MAP6: variants seen among roughly 807,000 people sequenced by gnomAD.
The protein encoded by MAP6 is microtubule associated protein 6, also known as microtubule-associated protein 6.
MAP6 carries 26 observed loss-of-function variants against 42.4 expected under a neutral mutation model. The observed-to-expected ratio is 0.61, with a 90% confidence interval of 0.45 to 0.85. The LOEUF (loss-of-function observed/expected upper bound fraction) is 0.85, where lower values mean the gene tolerates loss of function less well. Among genes scored for constraint, MAP6 ranks in the 40% least tolerant of loss-of-function variants. The pLI, the probability that MAP6 is intolerant of heterozygous loss-of-function variation, is 0.00. For synonymous variants in MAP6, 418 were observed against 443.8 expected (o/e 0.94, Z 0.73); for missense variants, 966 against 1,099.0 (o/e 0.88, Z 1.71).
At chr11:75,621,024 G>C (rs893874163) in intron 1 of MAP6, among the ~76,000 whole-genome samples, 1 of 152,062 alleles carries the variant, frequency 6.6e-6, no homozygotes, top group Non-Finnish European at 1.5e-5. Context: ...CCAGCTACTT[G>C]GGAGGCTGAG....
chr11:75,608,102 G>A lies in MAP6; in HGVS notation c.1119+7C>T, dbSNP rs375948881. 1 of 1,613,050 alleles carries A rather than the reference G, an allele frequency of 6.2e-7. No individual in the cohort carries two copies. Among genetic ancestry groups the A allele is most frequent in the Non-Finnish European group, 8.5e-7 (1 of 1,179,716 alleles). ...GTGCTGATGGGTTCCCACAAGGTCTGTCTCACCTTTGGGGGTTCCTTGAAG... is the reference window on the plus strand; with the variant it reads ...GTGCTGATGGGTTCCCACAAGGTCTATCTCACCTTTGGGGGTTCCTTGAAG... On this transcript the variant is annotated splice_region_variant and intron_variant, in intron 2 of 3. Transcript: ENST00000304771.
At chr11:75,637,320 G>T (rs1943385746) in intron 1 of MAP6, among the ~76,000 whole-genome samples, 1 of 152,144 alleles carries the variant, frequency 6.6e-6, no homozygotes, top group African/African-American at 2.4e-5. Flanking sequence ...TGCAAGAAAA[G>T]CATTTACTGA....
At position 75,587,643 on chromosome 11, in the gene MAP6, T is replaced by A. The variant is rs1465375300; in HGVS notation, c.1858A>T (p.Ile620Leu). 6.2e-6 allele frequency: 10 copies of A among 1,613,974 alleles called. No individual in the cohort carries two copies. Among genetic ancestry groups the A allele is most frequent in the Non-Finnish European group, 8.5e-6 (10 of 1,180,018 alleles). ...VPAPVKGEGP[I>L]VPAPVKDEGP... is the part of the protein sequence containing the mutation. ...TCATCCTTGACAGGTGCTGGGACTA[T>A]GGGACCTTCACCCTTGACAGGTGCT... Residue 620 changes from isoleucine (I) to leucine (L), a missense_variant, in exon 4 of 4, where the codon ATA becomes TTA. Physicochemically the swap from Ile to Leu is conservative, Grantham distance 5. Around this residue, in one of 2 missense-constraint regions of MAP6, gnomAD observed 943 missense variants for 1,049.9 expected, o/e 0.90. Coordinates refer to ENST00000304771, the MANE Select transcript of MAP6 (RefSeq NM_033063.2).
chr11:75,626,761 G>T (rs558802563), intron 1 of MAP6, among the ~76,000 whole-genome samples: 1 of 152,154 alleles, frequency 6.6e-6, no homozygotes, highest in East Asian at 1.9e-4. Flanking sequence ...AGGAAACTAA[G>T]CTCAGAGAGG....
intron 1 of MAP6, among the ~76,000 whole-genome samples, chr11:75,642,239 T>A (rs1490890986): frequency 6.6e-6 from 1 of 152,228 alleles, no homozygotes; most frequent in Non-Finnish European, 1.5e-5. Flanking sequence ...TTTGCCATAG[T>A]GGGCATATTG....
chr11:75,600,231 AG>A (rs925811621), intron 3 of MAP6, among the ~76,000 whole-genome samples: 1 of 151,934 alleles, frequency 6.6e-6, no homozygotes, highest in Non-Finnish European at 1.5e-5. Context: ...TGCTCCTCTG[AG>A]GGGGGGTATT....
intron 1 of MAP6, among the ~76,000 whole-genome samples, chr11:75,627,278 A>G (rs1467771009): frequency 2.0e-5 from 3 of 152,220 alleles, no homozygotes; most frequent in Non-Finnish European, 2.9e-5. Flanking sequence ...TGGAAGAGAG[A>G]TGCTGATGGT....
chr11:75,598,669 C>A (rs1304560524), intron 3 of MAP6, among the ~76,000 whole-genome samples: 2 of 152,214 alleles, frequency 1.3e-5, no homozygotes, highest in Non-Finnish European at 2.9e-5. Flanking sequence ...GACAGTGAAT[C>A]TCATCATTCA....
At chr11:75,605,144 T>C (rs1942737638) in intron 3 of MAP6, 1 of 985,318 alleles carries the variant, frequency 1.0e-6, no homozygotes, top group African/African-American at 1.7e-5. Context: ...TAGTTTTAGT[T>C]ATCAGTGGCG....
intron 1 of MAP6, among the ~76,000 whole-genome samples, chr11:75,614,661 C>T (rs957054763): frequency 1.7e-4 from 26 of 152,206 alleles, no homozygotes; most frequent in Admixed American, 1.3e-3. Context: ...ACCCTGAGCT[C>T]GAACCATCCA....
At chr11:75,639,775 G>C (rs1054669262) in intron 1 of MAP6, among the ~76,000 whole-genome samples, 6 of 152,144 alleles carry the variant, frequency 3.9e-5, no homozygotes, top group Non-Finnish European at 7.4e-5. Flanking sequence ...GGTGGTTTGT[G>C]TGCAGGAGAG....
chr11:75,635,365 C>A (rs1943351766), intron 1 of MAP6, among the ~76,000 whole-genome samples: 1 of 152,196 alleles, frequency 6.6e-6, no homozygotes, highest in African/African-American at 2.4e-5. Context: ...ACATCAACAC[C>A]AAGAGAAAAC....
chr11:75,639,219 G>A (rs971053805), intron 1 of MAP6, among the ~76,000 whole-genome samples: 5 of 152,194 alleles, frequency 3.3e-5, no homozygotes, highest in African/African-American at 9.6e-5. Context: ...TGGGTGATGG[G>A]TACACTAAAA....
At chr11:75,644,889 AT>A (rs1943530223) in intron 1 of MAP6, among the ~76,000 whole-genome samples, 1 of 152,224 alleles carries the variant, frequency 6.6e-6, no homozygotes, top group African/African-American at 2.4e-5. Flanking sequence ...TTTTATATTC[AT>A]AGATGAGCTC....
At chr11:75,588,331 C>G in intron 3 of MAP6, 147 bp from the exon 4 acceptor site, 1 of 545,402 alleles carries the variant, frequency 1.8e-6, no homozygotes, top group Non-Finnish European at 3.1e-6. Flanking sequence ...TTTCTGTGTT[C>G]TTAGTACAGA....
intron 1 of MAP6, among the ~76,000 whole-genome samples, chr11:75,659,911 A>C (rs1943813901): frequency 6.6e-6 from 1 of 152,208 alleles, no homozygotes; most frequent in South Asian, 2.1e-4. Context: ...CTTCCCTATG[A>C]GAGCAACAAA....
intron 1 of MAP6, among the ~76,000 whole-genome samples, chr11:75,624,974 G>A (rs545260300): frequency 1.3e-5 from 2 of 152,284 alleles, no homozygotes; most frequent in East Asian, 3.9e-4. Context: ...CTCTAACAAT[G>A]TTCAGCTGAG....
At chr11:75,645,789 C>T (rs1176971476) in intron 1 of MAP6, among the ~76,000 whole-genome samples, 3 of 151,932 alleles carry the variant, frequency 2.0e-5, no homozygotes, top group Non-Finnish European at 4.4e-5. Context: ...TACAATTTTA[C>T]TGAATGAGGT....
chr11:75,657,141 T>C (rs1943765218), intron 1 of MAP6, among the ~76,000 whole-genome samples: 1 of 150,262 alleles, frequency 6.7e-6, no homozygotes, highest in Non-Finnish European at 1.5e-5. Flanking sequence ...AGACGGAGTC[T>C]CGCTCTGTCG....
Sources: gnomAD v4.1 joint callset for allele counts (sites outside exome capture counted in the v4.1 genomes callset) on GRCh38, gnomAD v4.1.1 for gene constraint, gnomAD v4.1.1 regional missense constraint, MANE v1.5 for transcripts, NCBI Gene and HGNC (gene_info 2026-07-23, HGNC 2026-07-21) for gene names.